CCR2: variants seen among roughly 807,000 people sequenced by gnomAD.
CCR2 encodes C-C motif chemokine receptor 2.
For missense variants in CCR2, 408 were observed against 440.0 expected, an observed-to-expected ratio of 0.93 and a Z score of 0.65; for synonymous variants, 183 against 177.1, an observed-to-expected ratio of 1.03 and a Z score of -0.27.
rs1212476662 is a variant in CCR2, at chr3:46,358,871, TA to T, written c.*263del. The T allele has an allele frequency of 8.3e-7, 1 of 1,206,004 alleles. No individual in the cohort carries two copies. Among genetic ancestry groups the T allele is most frequent in the African/African-American group, 1.6e-5 (1 of 63,900 alleles). 74.7% of individuals were successfully genotyped at this position (1,206,004 alleles called of 1,614,324 possible). Reference sequence around the variant, plus strand: ...TGAAAAATGCCTCATTACCTTGTGCTAATCCTCTTTTTCTAGTCTTCATAAT... The same window carrying T: ...TGAAAAATGCCTCATTACCTTGTGCTATCCTCTTTTTCTAGTCTTCATAAT... On this transcript the variant is annotated 3_prime_UTR_variant, in exon 2 of 2. Transcript: ENST00000445132.
chr3:46,358,633 G>T lies in CCR2; in HGVS notation c.*23G>T. 1 of 1,548,552 alleles carries T rather than the reference G, an allele frequency of 6.5e-7. No individual in the cohort carries two copies. Among genetic ancestry groups the T allele is most frequent in the Non-Finnish European group, 8.7e-7 (1 of 1,144,818 alleles). ...TAAAACGAGGAGCAGTTTGATTGTT[G>T]TTTATAAAGGGAGATAACAATCTGT... On this transcript the variant is annotated 3_prime_UTR_variant, in exon 2 of 2. Coordinates refer to ENST00000445132, the MANE Select transcript of CCR2 (RefSeq NM_001123396.4).
chr3:46,357,936 G>A lies in CCR2; in HGVS notation c.409G>A (p.Asp137Asn), dbSNP rs748725992. ...GIFFIILLTI[D>N]RYLAIVHAVF... ...CTTCTTCATCATCCTCCTGACAATC[G>A]ATAGATACCTGGCTATTGTCCATGC... The change falls in exon 2 of 2, where the codon GAT becomes AAT. Residue 137 changes from aspartate (D) to asparagine (N), a missense_variant. Transcript: ENST00000445132. 11 of 1,614,124 alleles carry A rather than the reference G, an allele frequency of 6.8e-6. No individual in the cohort carries two copies. The East Asian group carries it at 8.9e-5, about 13-fold the overall frequency.
rs530102559 is a variant in CCR2 at position 46,359,598 on chromosome 3, G to A, written c.*988G>A. The stretch of plus-strand genomic sequence containing the variant: ...GCATCAGAACCCAGTAAAGCTTCTT[G>A]TCTGGATCTGAGCTGGTTTGTTTTG... On this transcript the variant is annotated 3_prime_UTR_variant, in exon 2 of 2. Coordinates refer to ENST00000445132, the MANE Select transcript of CCR2 (RefSeq NM_001123396.4). 7.2e-6 allele frequency: 10 copies of A among 1,389,446 alleles called. No individual in the cohort carries two copies. In the Admixed American group the frequency reaches 2.3e-4, roughly 33 times the overall value. 86.1% of individuals were successfully genotyped at this position (1,389,446 alleles called of 1,614,324 possible).
rs780607505 is a variant in CCR2, at chr3:46,359,786, C to G, written c.*1176C>G. On this transcript the variant is annotated 3_prime_UTR_variant, in exon 2 of 2. Transcript: ENST00000445132. ...TGTGAAAGTGACTACACAAGGACTC[C>G]TCGATGGTCGTGGAAAAGGAAAGTC... is the stretch of plus-strand genomic sequence containing the variant. The G allele has an allele frequency of 4.3e-6, 7 of 1,614,022 alleles. No homozygotes were observed. In the East Asian group the frequency reaches 1.1e-4, roughly 26 times the overall value.
intron 1 of CCR2, among the ~76,000 whole-genome samples, chr3:46,354,393 G>A (rs1031697885): frequency 6.6e-6 from 1 of 152,110 alleles, no homozygotes; most frequent in African/African-American, 2.4e-5. Context: ...TGATGGGGGA[G>A]AGTGGGCAGC....
Position 46,357,832 on chromosome 3 carries a change from C to T in CCR2, c.305C>T (p.Ala102Val). Residue 102 changes from alanine to valine, a missense_variant, in exon 2 of 2, where the codon GCT (alanine) becomes GTT (valine). Coordinates refer to ENST00000445132, the MANE Select transcript of CCR2 (RefSeq NM_001123396.4). ...LITLPLWAHSAANEWVFGNAM... is the reference protein window; with the variant it reads ...LITLPLWAHSVANEWVFGNAM... Reference sequence around the variant, plus strand: ...ACTCTCCCATTGTGGGCTCACTCTGCTGCAAATGAGTGGGTCTTTGGGAAT... The same window carrying T: ...ACTCTCCCATTGTGGGCTCACTCTGTTGCAAATGAGTGGGTCTTTGGGAAT... 3 of 1,614,216 alleles carry T rather than the reference C, an allele frequency of 1.9e-6. No individual in the cohort carries two copies. The highest frequency in any genetic ancestry group is 2.5e-6 in the Non-Finnish European group (3 of 1,180,016).
Position 46,357,612 on chromosome 3 carries a change from G to A in CCR2, c.85G>A (p.Gly29Ser), listed in dbSNP as rs771219113. ...CACCACCTTTTTTGATTATGATTAC[G>A]GTGCTCCCTGTCATAAATTTGACGT... is the stretch of plus-strand genomic sequence containing the variant. ...EVTTFFDYDYGAPCHKFDVKQ... is the reference protein window; with the variant it reads ...EVTTFFDYDYSAPCHKFDVKQ... The change falls in exon 2 of 2, where the codon GGT becomes AGT. Residue 29 changes from glycine to serine, a missense_variant. By Grantham distance (56) the Gly-to-Ser change is moderately conservative (BLOSUM62 0). Transcript: ENST00000445132. The A allele has an allele frequency of 9.9e-6, 16 of 1,613,842 alleles. No individual in the cohort carries two copies. Among genetic ancestry groups the A allele is most frequent in the Admixed American group, 3.3e-5 (2 of 59,966 alleles).
rs1483777755 is a variant in CCR2, at chr3:46,357,703, G to A, written c.176G>A (p.Gly59Asp). 6.2e-7 allele frequency: 1 copy of A among 1,613,948 alleles called. No homozygotes were observed. Among genetic ancestry groups the A allele is most frequent in the Non-Finnish European group, 8.5e-7 (1 of 1,180,020 alleles). ...YSLVFIFGFV[G>D]NMLVVLILIN... is the part of the protein sequence containing the mutation. ...CTGGTGTTCATCTTTGGTTTTGTGG[G>A]CAACATGCTGGTCGTCCTCATCTTA... Residue 59 changes from glycine to aspartate, a missense_variant, in exon 2 of 2, where the codon GGC (glycine) becomes GAC (aspartate). By Grantham distance (94) the Gly-to-Asp change is moderately conservative. Transcript: ENST00000445132.
rs1446275985 is a variant in CCR2 at position 46,359,416 on chromosome 3, A to T, written c.*806A>T. 9.0e-7 allele frequency: 1 copy of T among 1,110,652 alleles called. No individual in the cohort carries two copies. The highest frequency in any genetic ancestry group is 1.6e-5 in the African/African-American group (1 of 61,692). 68.8% of individuals were successfully genotyped at this position (1,110,652 alleles called of 1,614,324 possible). On this transcript the variant is annotated 3_prime_UTR_variant, in exon 2 of 2. Transcript: ENST00000445132. Reference sequence around the variant, plus strand: ...ATATGCTAATATATGTATATGCAATATATATAGGCTCTTGCTTGATCTCTC... The same window carrying T: ...ATATGCTAATATATGTATATGCAATTTATATAGGCTCTTGCTTGATCTCTC...
chr3:46,357,551 G>A lies in CCR2; in HGVS notation c.24G>A (p.Arg8=). MLSTSRS[R]FIRNTNESGE... ...ACATGCTGTCCACATCTCGTTCTCG[G>A]TTTATCAGAAATACCAACGAGAGCG... The change falls in exon 2 of 2, where the codon CGG becomes CGA. Residue 8 remains arginine (R), a synonymous_variant. Coordinates refer to ENST00000445132, the MANE Select transcript of CCR2 (RefSeq NM_001123396.4). 1.2e-6 allele frequency: 2 copies of A among 1,613,974 alleles called. No individual in the cohort carries two copies. Among genetic ancestry groups the A allele is most frequent in the Non-Finnish European group, 1.7e-6 (2 of 1,179,884 alleles).
chr3:46,359,083 G>C lies in CCR2; in HGVS notation c.*473G>C. Reference sequence around the variant, plus strand: ...AGACAAAGGTGAGCAAAGGGCTCACGCATTCAGCCAGGAGATGATACTGGT... The same window carrying C: ...AGACAAAGGTGAGCAAAGGGCTCACCCATTCAGCCAGGAGATGATACTGGT... On this transcript the variant is annotated 3_prime_UTR_variant, in exon 2 of 2. Transcript: ENST00000445132. 2.0e-6 allele frequency: 2 copies of C among 1,011,024 alleles called. No homozygotes were observed. The highest frequency in any genetic ancestry group is 1.7e-5 in the African/African-American group (1 of 57,430). The allele number at this position is 1,011,024 out of a possible 1,614,324, so 62.6% of individuals were successfully genotyped here. A position where few individuals can be genotyped will look rare whatever the true frequency, so the allele number is the denominator to read the frequency against.
chr3:46,355,817 T>C (rs1382875714), intron 1 of CCR2, among the ~76,000 whole-genome samples: 1 of 152,238 alleles, frequency 6.6e-6, no homozygotes, highest in East Asian at 1.9e-4. Context: ...CAACTCAGCA[T>C]AGTTAATATT....
At position 46,358,965 on chromosome 3, in the gene CCR2, A is replaced by G; in HGVS notation, c.*355A>G. On this transcript the variant is annotated 3_prime_UTR_variant, in exon 2 of 2. Coordinates refer to ENST00000445132, the MANE Select transcript of CCR2 (RefSeq NM_001123396.4). Reference sequence around the variant, plus strand: ...GGGCCAGCTGGAGGTGAAGAAGAGAATGTGACAGGCACAGATGAATGGGAG... The same window carrying G: ...GGGCCAGCTGGAGGTGAAGAAGAGAGTGTGACAGGCACAGATGAATGGGAG... The G allele has an allele frequency of 9.3e-7, 1 of 1,073,292 alleles. No individual in the cohort carries two copies. The highest frequency in any genetic ancestry group is 1.1e-6 in the Non-Finnish European group (1 of 874,274). The allele number at this position is 1,073,292 out of a possible 1,614,324, so 66.5% of individuals were successfully genotyped here. A position where few individuals can be genotyped will look rare whatever the true frequency, so the allele number is the denominator to read the frequency against.
rs1011516996 is a variant in CCR2, at chr3:46,360,772, G to A, written c.*2162G>A. 1 of 152,212 alleles carries A rather than the reference G, an allele frequency of 6.6e-6. No homozygotes were observed. Among genetic ancestry groups the A allele is most frequent in the Non-Finnish European group, 1.5e-5 (1 of 68,052 alleles). 9.4% of individuals were successfully genotyped at this position (152,212 alleles called of 1,614,324 possible). On this transcript the variant is annotated 3_prime_UTR_variant, in exon 2 of 2. Coordinates refer to ENST00000445132, the MANE Select transcript of CCR2 (RefSeq NM_001123396.4). ...GGCCACATGGCTAAAGAAGGTTTCAGAAAGAAGTGGGGACAGAGCAGAACT... is the reference window on the plus strand; with the variant it reads ...GGCCACATGGCTAAAGAAGGTTTCAAAAAGAAGTGGGGACAGAGCAGAACT...
At position 46,358,374 on chromosome 3, in the gene CCR2, C is replaced by T; in HGVS notation, c.847C>T (p.Leu283=). The change falls in exon 2 of 2, where the codon CTG becomes TTG. Residue 283 remains leucine, a synonymous_variant. Transcript: ENST00000445132. ...GLSNCESTSQ[L]DQATQVTETL... ...GAGTAACTGTGAAAGCACCAGTCAA[C>T]TGGACCAAGCCACGCAGGTGACAGA... 6.2e-7 allele frequency: 1 copy of T among 1,614,202 alleles called. No individual in the cohort carries two copies. Among genetic ancestry groups the T allele is most frequent in the Non-Finnish European group, 8.5e-7 (1 of 1,180,012 alleles).
At position 46,358,169 on chromosome 3, in the gene CCR2, G is replaced by A. The variant is rs752757842; in HGVS notation, c.642G>A (p.Pro214=). Residue 214 remains proline (P), a synonymous_variant, in exon 2 of 2, where the codon CCG becomes CCA. Coordinates refer to ENST00000445132, the MANE Select transcript of CCR2 (RefSeq NM_001123396.4). ...GGAACATTTTGGGGCTGGTCCTGCC[G>A]CTGCTCATCATGGTCATCTGCTACT... The part of the protein sequence containing the change: ...IMRNILGLVL[P]LLIMVICYSG... 33 of 1,613,996 alleles carry A rather than the reference G, an allele frequency of 2.0e-5. No individual in the cohort carries two copies. Among genetic ancestry groups the A allele is most frequent in the Middle Eastern group, 3.3e-4 (2 of 6,084 alleles).
chr3:46,357,841 A>C lies in CCR2; in HGVS notation c.314A>C (p.Glu105Ala). The stretch of plus-strand genomic sequence containing the variant: ...TTGTGGGCTCACTCTGCTGCAAATG[A>C]GTGGGTCTTTGGGAATGCAATGTGC... ...LPLWAHSAAN[E>A]WVFGNAMCKL... is the part of the protein sequence containing the mutation. Residue 105 changes from glutamate (E) to alanine (A), a missense_variant, in exon 2 of 2, where the codon GAG becomes GCG. Physicochemically the swap from Glu to Ala is moderately radical, Grantham distance 107. Transcript: ENST00000445132. 2 of 1,614,182 alleles carry C rather than the reference A, an allele frequency of 1.2e-6. No individual in the cohort carries two copies. The highest frequency in any genetic ancestry group is 1.7e-6 in the Non-Finnish European group (2 of 1,180,018).
chr3:46,360,863 GTAAA>G lies in CCR2; in HGVS notation c.*2256_*2259del, dbSNP rs1701539535. 6.6e-6 allele frequency: 1 copy of G among 152,226 alleles called. No individual in the cohort carries two copies. The highest frequency in any genetic ancestry group is 1.5e-5 in the Non-Finnish European group (1 of 68,036). The allele number at this position is 152,226 out of a possible 1,614,324, so 9.4% of individuals were successfully genotyped here. A position where few individuals can be genotyped will look rare whatever the true frequency, so the allele number is the denominator to read the frequency against. Reference sequence around the variant, plus strand: ...AATGTTAAGTTGATGGTGATGAAATGTAAATACTGTTTTTAACAACTATGATTTG... The same window carrying G: ...AATGTTAAGTTGATGGTGATGAAATGTACTGTTTTTAACAACTATGATTTG... On this transcript the variant is annotated 3_prime_UTR_variant, in exon 2 of 2. Transcript: ENST00000445132.
In CCR2 at chr3:46,358,501, C is replaced by G; in HGVS notation, c.974C>G (p.Thr325Ser). The G allele has an allele frequency of 6.2e-7, 1 of 1,613,486 alleles. No homozygotes were observed. Among genetic ancestry groups the G allele is most frequent in the Non-Finnish European group, 8.5e-7 (1 of 1,179,966 alleles). ...TCGGTGTTCTTCCGAAAGCACATCACCAAGCGCTTCTGCAAACAATGTCCA... is the reference window on the plus strand; with the variant it reads ...TCGGTGTTCTTCCGAAAGCACATCAGCAAGCGCTTCTGCAAACAATGTCCA... ...YLSVFFRKHITKRFCKQCPVF... is the reference protein window; with the variant it reads ...YLSVFFRKHISKRFCKQCPVF... Residue 325 changes from threonine to serine, a missense_variant, in exon 2 of 2, where the codon ACC (threonine) becomes AGC (serine). Thr to Ser is a moderately conservative substitution (Grantham distance 58, BLOSUM62 1). Coordinates refer to ENST00000445132, the MANE Select transcript of CCR2 (RefSeq NM_001123396.4).
Sources: gnomAD v4.1 joint callset for allele counts (sites outside exome capture counted in the v4.1 genomes callset) on GRCh38, gnomAD v4.1.1 for gene constraint, MANE v1.5 for transcripts, NCBI Gene and HGNC (gene_info 2026-07-23, HGNC 2026-07-21) for gene names.